NELL1: variants seen among roughly 807,000 people sequenced by gnomAD.
The protein encoded by NELL1 is neural EGFL like 1, also known as protein kinase C-binding protein NELL1.
NELL1 carries 76 observed loss-of-function variants against 107.4 expected under a neutral mutation model. That is an observed-to-expected ratio of 0.71 (90% CI 0.59 to 0.86). The LOEUF is 0.86. Ranked by LOEUF, NELL1 falls within the 40% of genes least tolerant of loss-of-function variation. The pLI is 0.00. For synonymous variants in NELL1, 353 were observed against 341.2 expected, an observed-to-expected ratio of 1.03 and a Z score of -0.38; for missense variants, 1,024 against 1,005.5, an observed-to-expected ratio of 1.02 and a Z score of -0.25.
chr11:21,400,317 T>A (rs1273757451), intron 15 of NELL1, among the ~76,000 whole-genome samples: 1 of 151,886 alleles, frequency 6.6e-6, no homozygotes, highest in Non-Finnish European at 1.5e-5. Context: ...CACAGAAGCA[T>A]CCAATTTTAT....
chr11:21,162,187 G>A (rs1856387773), intron 13 of NELL1, among the ~76,000 whole-genome samples: 3 of 152,088 alleles, frequency 2.0e-5, no homozygotes, highest in Admixed American at 2.0e-4. Context: ...CTGACCTCAT[G>A]ATCTGCCCTC....
intron 5 of NELL1, among the ~76,000 whole-genome samples, chr11:20,902,516 T>C (rs1849899628): frequency 6.6e-6 from 1 of 152,106 alleles, no homozygotes; most frequent in African/African-American, 2.4e-5. Flanking sequence ...TCTTACCCAT[T>C]GTGTTGGAAA....
At chr11:21,043,658 G>T (rs1179140043) in intron 12 of NELL1, among the ~76,000 whole-genome samples, 3 of 152,194 alleles carry the variant, frequency 2.0e-5, no homozygotes, top group Admixed American at 6.6e-5. Context: ...AGGCAATAGC[G>T]AAAGCAGGAA....
intron 12 of NELL1, among the ~76,000 whole-genome samples, chr11:20,961,746 C>T (rs922198969): frequency 6.6e-6 from 1 of 152,024 alleles, no homozygotes; most frequent in Non-Finnish European, 1.5e-5. Flanking sequence ...GGAGAGCCAT[C>T]TTTTCCTATA....
intron 5 of NELL1, among the ~76,000 whole-genome samples, chr11:20,915,717 A>ATATATATT: frequency 8.8e-4 from 51 of 58,222 alleles, no homozygotes; most frequent in East Asian, 2.8e-3. Context: ...ATATATATAT[A>ATATATATT]TTTTTTTTTT....
chr11:21,228,592 A>G (rs957527762), intron 13 of NELL1, among the ~76,000 whole-genome samples: 2 of 151,956 alleles, frequency 1.3e-5, no homozygotes, highest in African/African-American at 2.4e-5. Flanking sequence ...TTGCTAGGCT[A>G]TATTCACCAG....
chr11:21,056,928 G>C (rs115819184), intron 12 of NELL1, among the ~76,000 whole-genome samples: 3 of 151,986 alleles, frequency 2.0e-5, no homozygotes, highest in Non-Finnish European at 4.4e-5. Context: ...TCTAGCTACA[G>C]CCTGTATTAT....
intron 14 of NELL1, among the ~76,000 whole-genome samples, chr11:21,245,391 A>C (rs959620580): frequency 6.6e-6 from 1 of 152,230 alleles, no homozygotes; most frequent in African/African-American, 2.4e-5. Context: ...TGAGAAATAA[A>C]TAAAGTGCTT....
chr11:20,736,718 C>G (rs1247014790), intron 2 of NELL1, among the ~76,000 whole-genome samples: 4 of 151,926 alleles, frequency 2.6e-5, no homozygotes, highest in Non-Finnish European at 5.9e-5. Context: ...TTGATAATTT[C>G]TGGACCCCTA....
At chr11:21,500,920 T>C (rs1340589942) in intron 15 of NELL1, among the ~76,000 whole-genome samples, 1 of 152,130 alleles carries the variant, frequency 6.6e-6, no homozygotes, top group Non-Finnish European at 1.5e-5. Flanking sequence ...CAACTTTTAT[T>C]TCAGAATTGT....
chr11:21,443,169 A>T (rs1853335940), intron 15 of NELL1, among the ~76,000 whole-genome samples: 1 of 152,074 alleles, frequency 6.6e-6, no homozygotes, highest in Non-Finnish European at 1.5e-5. Flanking sequence ...GCAAGCTTGT[A>T]GGTCAAAGGG....
intron 5 of NELL1, among the ~76,000 whole-genome samples, chr11:20,908,515 T>C (rs1005928525): frequency 6.1e-4 from 92 of 151,798 alleles, no homozygotes; most frequent in African/African-American, 2.2e-3. Flanking sequence ...TGAGAACACA[T>C]GGGCACAGAG....
At chr11:21,324,211 T>G (rs1850077429) in intron 14 of NELL1, among the ~76,000 whole-genome samples, 1 of 152,118 alleles carries the variant, frequency 6.6e-6, no homozygotes, top group Admixed American at 6.6e-5. Context: ...ATTCCAGACT[T>G]AAAAGCTCAA....
chr11:20,743,258 G>T (rs891968160), intron 2 of NELL1, among the ~76,000 whole-genome samples: 2 of 151,914 alleles, frequency 1.3e-5, no homozygotes, highest in Non-Finnish European at 2.9e-5. Context: ...GGAGACTGAG[G>T]TGGGACAATC....
At chr11:20,895,540 C>G (rs1401949111) in intron 5 of NELL1, among the ~76,000 whole-genome samples, 2 of 129,618 alleles carry the variant, frequency 1.5e-5, no homozygotes, top group Admixed American at 1.8e-4. Context: ...GAGTCTCGCT[C>G]TGTTGCCCAG....
intron 12 of NELL1, among the ~76,000 whole-genome samples, chr11:21,020,214 G>A (rs1326400795): frequency 2.6e-5 from 4 of 152,118 alleles, no homozygotes; most frequent in Admixed American, 6.6e-5. Context: ...TAACCATTAC[G>A]TAATTGACTA....
chr11:21,205,519 C>T (rs183653924), intron 13 of NELL1, among the ~76,000 whole-genome samples: 55 of 152,288 alleles, frequency 3.6e-4, no homozygotes, highest in African/African-American at 1.3e-3. Flanking sequence ...GTGCTGGCAG[C>T]GAGAATTTCA....
intron 12 of NELL1, among the ~76,000 whole-genome samples, chr11:20,989,858 A>G (rs9804623): frequency 0.22 from 33,439 of 151,782 alleles, 3,949 homozygotes; most frequent in Middle Eastern, 0.38. Flanking sequence ...TTAGCTGGGC[A>G]TGGTGGCGGG....
chr11:20,997,212 G>C (rs2134266963), intron 12 of NELL1, among the ~76,000 whole-genome samples: 1 of 152,304 alleles, frequency 6.6e-6, no homozygotes, highest in East Asian at 1.9e-4. Flanking sequence ...AATGACTATT[G>C]AAAGGTGGTG....
Sources: allele counts gnomAD v4.1 joint callset (sites outside exome capture counted in the v4.1 genomes callset), GRCh38; gene constraint gnomAD v4.1.1; transcripts MANE v1.5; gene names NCBI Gene and HGNC (gene_info 2026-07-23, HGNC 2026-07-21).